Variants in SRGAP1 observed in about 807,000 individuals in gnomAD.
SRGAP1 encodes SLIT-ROBO Rho GTPase activating protein 1.
In SRGAP1, 43 loss-of-function variants were observed where a neutral mutation model predicts 121.9. The ratio of observed to expected loss-of-function variants is 0.35; its 90% CI spans 0.28 to 0.46. The LOEUF (loss-of-function observed/expected upper bound fraction) is 0.46, where lower values mean the gene tolerates loss of function less well. Among genes scored for constraint, SRGAP1 ranks in the 20% least tolerant of loss-of-function variants. SRGAP1 has a pLI of 1.00. For missense variants in SRGAP1, 1,102 were observed against 1,350.9 expected (o/e 0.82, Z 2.89); for synonymous variants, 447 against 485.4 (o/e 0.92, Z 1.04).
chr12:64,127,961 TCAG>T lies in SRGAP1; in HGVS notation c.2642_2644del (p.Ser881_Val882delinsPhe), dbSNP rs752386419. On this transcript the variant is annotated inframe_deletion, in exon 21 of 22. Coordinates refer to ENST00000355086, the MANE Select transcript of SRGAP1 (RefSeq NM_020762.4). ...CCCTCCACATGCCCTTTCTAACTCCTCAGTTGACCTAGGGTCCCCAAGCCTTGC... is the reference window on the plus strand; with the variant it reads ...CCCTCCACATGCCCTTTCTAACTCCTTTGACCTAGGGTCCCCAAGCCTTGC... 6.2e-7 allele frequency: 1 copy of T among 1,614,166 alleles called. No individual in the cohort carries two copies. The highest frequency in any genetic ancestry group is 8.5e-7 in the Non-Finnish European group (1 of 1,180,020).
chr12:63,919,527 T>TATATATATATATATATATATATATATAC (rs1238483459), intron 1 of SRGAP1, among the ~76,000 whole-genome samples: 1 of 146,372 alleles, frequency 6.8e-6, no homozygotes, highest in African/African-American at 2.7e-5. Flanking sequence ...TATATACACA[T>TATATATATATATATATATATATATATAC]ACACACACAC....
intron 17 of SRGAP1, 84 bp downstream of exon 17, chr12:64,112,070 C>A: frequency 1.8e-6 from 2 of 1,093,976 alleles, no homozygotes; most frequent in South Asian, 1.6e-5. Flanking sequence ...AAGAGTTTCC[C>A]ATAAGCCACC....
intron 2 of SRGAP1, among the ~76,000 whole-genome samples, chr12:63,986,456 C>G (rs1315932295): frequency 6.7e-6 from 1 of 150,284 alleles, no homozygotes; most frequent in African/African-American, 2.5e-5. Context: ...TGGAGTTTTG[C>G]TCTGTCGCCC....
In SRGAP1 at chr12:63,914,986, C is replaced by G. The variant is rs1487638937; in HGVS notation, c.68-68961C>G. On this transcript the variant is annotated intron_variant, in intron 1 of 21. Coordinates refer to ENST00000355086, the MANE Select transcript of SRGAP1 (RefSeq NM_020762.4). The stretch of plus-strand genomic sequence containing the variant: ...TTCTCTGCTTATTGGACAATTGATA[C>G]TTAAATTTTGTTTTAATCTACTCAG... Among the ~76,000 whole-genome samples the G allele has an allele frequency of 3.3e-5, 5 of 152,098 alleles. No homozygotes were observed. In the East Asian group the frequency reaches 7.7e-4, roughly 23 times the overall value.
chr12:63,919,814 CATT>C (rs1474257620), intron 1 of SRGAP1, among the ~76,000 whole-genome samples: 2 of 152,198 alleles, frequency 1.3e-5, no homozygotes, highest in East Asian at 3.9e-4. Context: ...AACTGTTTGA[CATT>C]GTTGCATGTA....
At chr12:64,093,170 A>G (rs1387732262) in intron 12 of SRGAP1, among the ~76,000 whole-genome samples, 2 of 152,162 alleles carry the variant, frequency 1.3e-5, no homozygotes, top group African/African-American at 4.8e-5. Flanking sequence ...ATTAGTTTGA[A>G]TGATAGATGG....
chr12:64,092,469 TATACATACATAC>T (rs200490527), intron 12 of SRGAP1, among the ~76,000 whole-genome samples: 13 of 128,156 alleles, frequency 1.0e-4, no homozygotes, highest in East Asian at 2.6e-4. Flanking sequence ...TACATACATA[TATACATACATAC>T]ATACATACAT....
At position 63,860,304 on chromosome 12, in the gene SRGAP1, C is replaced by T. The variant is rs149784099; in HGVS notation, c.67+15421C>T. On this transcript the variant is annotated intron_variant, in intron 1 of 21. Transcript: ENST00000355086. ...GGGATTACAGGTGTGAGCCACCATGCCCAGCCTGGTATTTACATTTTTTAA... is the reference window on the plus strand; with the variant it reads ...GGGATTACAGGTGTGAGCCACCATGTCCAGCCTGGTATTTACATTTTTTAA... 3.2e-4 allele frequency among the ~76,000 whole-genome samples: 49 copies of T among 152,274 alleles called. 1 individual carries two copies. In the East Asian group the frequency reaches 7.3e-3, roughly 23 times the overall value.
chr12:63,950,016 A>G (rs1370338237), intron 1 of SRGAP1, among the ~76,000 whole-genome samples: 1 of 152,204 alleles, frequency 6.6e-6, no homozygotes, highest in Non-Finnish European at 1.5e-5. Flanking sequence ...TTTTCCACCA[A>G]AAGGCGGTGA....
rs1275847176 is a variant in SRGAP1 at position 64,160,004 on chromosome 12, T to C, written c.*17332T>C. 6.6e-6 allele frequency: 1 copy of C among 152,236 alleles called. No individual in the cohort carries two copies. Among genetic ancestry groups the C allele is most frequent in the African/African-American group, 2.4e-5 (1 of 41,460 alleles). The allele number at this position is 152,236 out of a possible 1,614,324, so 9.4% of individuals were successfully genotyped here. Reference sequence around the variant, plus strand: ...TCATTTGCTTAGCTTTCTATTTACATAAATAGGTAAAAATTCCTTCTCAAA... The same window carrying C: ...TCATTTGCTTAGCTTTCTATTTACACAAATAGGTAAAAATTCCTTCTCAAA... On this transcript the variant is annotated 3_prime_UTR_variant, in exon 22 of 22. Transcript: ENST00000355086.
At chr12:63,914,291 G>T (rs765026074) in intron 1 of SRGAP1, among the ~76,000 whole-genome samples, 2 of 152,102 alleles carry the variant, frequency 1.3e-5, no homozygotes, top group Non-Finnish European at 2.9e-5. Context: ...TCCAACCACA[G>T]TGCTTGGTAT....
At chr12:63,899,155 G>A (rs1011584437) in intron 1 of SRGAP1, among the ~76,000 whole-genome samples, 14 of 152,100 alleles carry the variant, frequency 9.2e-5, no homozygotes, top group African/African-American at 2.9e-4. Flanking sequence ...GCAGAGGTGG[G>A]TGGATCACTT....
chr12:64,118,964 C>T (rs1264828464), intron 18 of SRGAP1, among the ~76,000 whole-genome samples: 1 of 152,186 alleles, frequency 6.6e-6, no homozygotes, highest in East Asian at 1.9e-4. Context: ...ACCTCACCCT[C>T]CAAAAGTGAT....
chr12:64,148,969 T>A lies in SRGAP1; in HGVS notation c.*6297T>A, dbSNP rs565408953. 1.3e-5 allele frequency: 2 copies of A among 152,356 alleles called. No homozygotes were observed. The highest frequency in any genetic ancestry group is 1.9e-4 in the East Asian group (1 of 5,186). The allele number at this position is 152,356 out of a possible 1,614,324, so 9.4% of individuals were successfully genotyped here. ...TAAATGGGTTCATACAGTATGTAGATTTTGTGTCTGGCTCCTTTTGTTGAA... is the reference window on the plus strand; with the variant it reads ...TAAATGGGTTCATACAGTATGTAGAATTTGTGTCTGGCTCCTTTTGTTGAA... On this transcript the variant is annotated 3_prime_UTR_variant, in exon 22 of 22. Transcript: ENST00000355086.
At chr12:63,869,987 AGC>A (rs1006954452) in intron 1 of SRGAP1, among the ~76,000 whole-genome samples, 2 of 152,210 alleles carry the variant, frequency 1.3e-5, no homozygotes, top group African/African-American at 4.8e-5. Flanking sequence ...TAAATGGTGG[AGC>A]CACCAGGGTC....
In SRGAP1 at chr12:64,146,588, A is replaced by G. The variant is rs2037055756; in HGVS notation, c.*3916A>G. ...TTCAAATTTGGGATGATGCTCATTG[A>G]TTCCTGACCATAGCAGTGAGAGGCC... On this transcript the variant is annotated 3_prime_UTR_variant, in exon 22 of 22. Coordinates refer to ENST00000355086, the MANE Select transcript of SRGAP1 (RefSeq NM_020762.4). 1 of 152,132 alleles carries G rather than the reference A, an allele frequency of 6.6e-6. No individual in the cohort carries two copies. Among genetic ancestry groups the G allele is most frequent in the Non-Finnish European group, 1.5e-5 (1 of 68,022 alleles). The allele number at this position is 152,132 out of a possible 1,614,324, so 9.4% of individuals were successfully genotyped here. A position where few individuals can be genotyped will look rare whatever the true frequency, so the allele number is the denominator to read the frequency against.
At chr12:64,078,188 A>C (rs890623780) in intron 8 of SRGAP1, among the ~76,000 whole-genome samples, 1 of 152,376 alleles carries the variant, frequency 6.6e-6, no homozygotes, top group East Asian at 1.9e-4. Context: ...AAAACAGTTA[A>C]GCAGCAATTC....
intron 1 of SRGAP1, among the ~76,000 whole-genome samples, chr12:63,962,728 T>G (rs1242660085): frequency 6.6e-6 from 1 of 152,138 alleles, no homozygotes; most frequent in Non-Finnish European, 1.5e-5. Context: ...GATTTTCTAA[T>G]TCTCATTATA....
At chr12:63,946,878 TC>T (rs2032066620) in intron 1 of SRGAP1, among the ~76,000 whole-genome samples, 1 of 152,216 alleles carries the variant, frequency 6.6e-6, no homozygotes, top group Non-Finnish European at 1.5e-5. Flanking sequence ...ATAAATGGAA[TC>T]ATACAGTAAG....
Sources: allele counts gnomAD v4.1 joint callset (sites outside exome capture counted in the v4.1 genomes callset), GRCh38; gene constraint gnomAD v4.1.1; transcripts MANE v1.5; gene names NCBI Gene and HGNC (gene_info 2026-07-23, HGNC 2026-07-21).